The following MICAL1 variants were observed in gnomAD, a reference collection of about 807,000 sequenced individuals.
MICAL1 encodes microtubule associated monooxygenase, calponin and LIM domain containing 1, also known as [F-actin]-monooxygenase MICAL1.
Under a neutral mutation model 131.8 loss-of-function variants are expected in MICAL1, and 95 were observed. The observed-to-expected ratio is 0.72, with a 90% CI of 0.61 to 0.86. MICAL1 has a LOEUF of 0.86. Ranked by LOEUF, MICAL1 falls within the 40% of genes least tolerant of loss-of-function variation. The probability of loss-of-function intolerance (pLI) is 0.00; values close to 1 mark genes in which losing one functional copy is unlikely to be tolerated. For synonymous variants in MICAL1, 546 were observed against 554.2 expected (o/e 0.99, Z 0.21); for missense variants, 1,292 against 1,380.6 (o/e 0.94, Z 1.02).
Position 109,447,337 on chromosome 6 carries a change from A to G in MICAL1, c.2070+20T>C, listed in dbSNP as rs1248180889. 1 of 1,613,184 alleles carries G rather than the reference A, an allele frequency of 6.2e-7. No individual in the cohort carries two copies. Among genetic ancestry groups the G allele is most frequent in the East Asian group, 2.2e-5 (1 of 44,768 alleles). ...CTGCCCTCCCCGGGCCTCTGCCTGC[A>G]CACAAAGCCTGGCTCTCACCTCCTG... On this transcript the variant is annotated intron_variant, in intron 16 of 24. Transcript: ENST00000358807.
chr6:109,460,425 TA>T (rs941046868), upstream of MICAL1, among the ~76,000 whole-genome samples: 363 of 88,328 alleles, frequency 4.1e-3, 4 homozygotes, highest in Middle Eastern at 0.016. Flanking sequence ...AGACCCTACG[TA>T]AAAAAAAAAA....
intron 4 of MICAL1, 116 bp downstream of exon 4, chr6:109,453,147 G>A (rs112593035): frequency 0.036 from 27,986 of 781,888 alleles, 604 homozygotes; most frequent in Middle Eastern, 0.061. Context: ...GTGACAGAAC[G>A]AGACTCTGTC....
chr6:109,465,064 A>T (rs1051090966), intron 1 of MICAL1: 1 of 152,292 alleles, frequency 6.6e-6, no homozygotes, highest in African/African-American at 2.4e-5. Context: ...TTCAGAATTT[A>T]GGGTGAATGT....
Position 109,445,772 on chromosome 6 carries a change from T to G in MICAL1, c.2672A>C (p.Gln891Pro). ...GTGGCTGCACGCTGGCCCACTCACC[T>G]GTTCCACATCTGAGTCCAAAGGCAC... ...EDVPLDSDVE[Q>P]ALQTFAKTSG... Residue 891 changes from glutamine to proline, a missense_variant and splice_region_variant, in exon 20 of 25, where the codon CAG (glutamine) becomes CCG (proline). Gln to Pro is a moderately conservative substitution (Grantham distance 76, BLOSUM62 -1). Coordinates refer to ENST00000358807, the MANE Select transcript of MICAL1 (RefSeq NM_022765.4). 1 of 1,610,480 alleles carries G rather than the reference T, an allele frequency of 6.2e-7. No individual in the cohort carries two copies. The highest frequency in any genetic ancestry group is 8.5e-7 in the Non-Finnish European group (1 of 1,178,540).
At chr6:109,446,109 G>T (rs373778932) in intron 19 of MICAL1, 27 bp downstream of exon 19, 2 of 1,527,416 alleles carry the variant, frequency 1.3e-6, no homozygotes, top group Non-Finnish European at 1.8e-6. Context: ...CCCACCCTGG[G>T]TCAGCACATC....
chr6:109,458,057 A>C (rs1324473950), upstream of MICAL1, among the ~76,000 whole-genome samples: 1 of 152,060 alleles, frequency 6.6e-6, no homozygotes, highest in Non-Finnish European at 1.5e-5. Flanking sequence ...CCTATCATTC[A>C]ATGCTGTCCT....
rs138265393 is a variant in MICAL1 at position 109,450,055 on chromosome 6, G to A, written c.1222C>T (p.Arg408Trp). ...GCATCAAAGGCTGCCAGGAAGCCCC[G>A]TGCCACTCCAGTGCCCAGGGGCCAG... ...PFWPLGTGVARGFLAAFDAAW... is the reference protein window; with the variant it reads ...PFWPLGTGVAWGFLAAFDAAW... Residue 408 changes from arginine to tryptophan, a missense_variant, in exon 9 of 25, where the codon CGG (arginine) becomes TGG (tryptophan). Physicochemically the swap from Arg to Trp is moderately radical, Grantham distance 101. Coordinates refer to ENST00000358807, the MANE Select transcript of MICAL1 (RefSeq NM_022765.4). The A allele has an allele frequency of 1.7e-5, 28 of 1,613,928 alleles. No individual in the cohort carries two copies. Among genetic ancestry groups the A allele is most frequent in the African/African-American group, 4.0e-5 (3 of 74,868 alleles).
chr6:109,453,086 G>A (rs1391938550), intron 4 of MICAL1, among the ~76,000 whole-genome samples, 177 bp downstream of exon 4: 1 of 152,234 alleles, frequency 6.6e-6, no homozygotes, highest in African/African-American at 2.4e-5. Flanking sequence ...CTTGAAACTG[G>A]GTGGCAGAGG....
chr6:109,463,172 AG>A (rs1775937377), intron 1 of MICAL1: 1 of 152,190 alleles, frequency 6.6e-6, no homozygotes, highest in Non-Finnish European at 1.5e-5. Flanking sequence ...TTTTTAGTAG[AG>A]ATGGGGTTTC....
At position 109,444,143 on chromosome 6, in the gene MICAL1, G is replaced by A; in HGVS notation, c.*48C>T. On this transcript the variant is annotated 3_prime_UTR_variant, in exon 25 of 25. Transcript: ENST00000358807. ...ATGAACAGGGGTGGCACTGTGCTGG[G>A]GTGAGGTGCTTTCTTTGTGGGAACG... The A allele has an allele frequency of 6.3e-7, 1 of 1,596,880 alleles. No individual in the cohort carries two copies. Among genetic ancestry groups the A allele is most frequent in the Non-Finnish European group, 8.5e-7 (1 of 1,174,380 alleles).
intron 12 of MICAL1, 24 bp downstream of exon 12, chr6:109,448,708 G>C (rs1397175082): frequency 1.2e-6 from 2 of 1,613,238 alleles, no homozygotes; most frequent in Admixed American, 1.7e-5. Flanking sequence ...TCATGAGAGA[G>C]AGGTGGGTCT....
At position 109,444,343 on chromosome 6, in the gene MICAL1, A is replaced by C. The variant is rs1775109618; in HGVS notation, c.3056-4T>G. 1 of 1,613,344 alleles carries C rather than the reference A, an allele frequency of 6.2e-7. No individual in the cohort carries two copies. The highest frequency in any genetic ancestry group is 1.7e-5 in the Admixed American group (1 of 60,030). The stretch of plus-strand genomic sequence containing the variant: ...TCAGCAGCTGTCTTTAGGTTTTCTA[A>C]AAGGAGGAGACAAAGCTTAGAGAAC... On this transcript the variant is annotated splice_region_variant and splice_polypyrimidine_tract_variant and intron_variant, in intron 24 of 24. Transcript: ENST00000358807.
chr6:109,455,989 C>T (rs1361218856), upstream of MICAL1: 7 of 985,780 alleles, frequency 7.1e-6, no homozygotes, highest in Non-Finnish European at 6.0e-6. This position sits in a 1 kb window ranked among gnomAD's most constrained non-coding sequence, Gnocchi z 4.7. Flanking sequence ...AGTCTTGGGC[C>T]CGCCCATGCC....
intron 1 of MICAL1, chr6:109,463,376 T>C (rs1346303892): frequency 6.6e-6 from 1 of 152,232 alleles, no homozygotes; most frequent in Admixed American, 6.5e-5. Flanking sequence ...TTGTTTCTCT[T>C]TGACAGCTGG....
Position 109,450,489 on chromosome 6 carries a change from G to T in MICAL1, c.1002C>A (p.Thr334=). 2 of 1,613,268 alleles carry T rather than the reference G, an allele frequency of 1.2e-6. No homozygotes were observed. The change falls in exon 8 of 25, where the codon ACC becomes ACA. Residue 334 remains threonine, a synonymous_variant. Transcript: ENST00000358807. ...GGGTGGCAAAGTCAGCAGCTGCCCG[G>T]GTAAAGCGCTGCAGAGCCTCGGGCA... is the stretch of plus-strand genomic sequence containing the variant. ...NVVPEALQRF[T]RAAADFATHG... is the part of the protein sequence containing the mutation.
intron 2 of MICAL1, 24 bp from the exon 3 acceptor site, chr6:109,453,869 G>A (rs747168985): frequency 2.2e-5 from 35 of 1,611,126 alleles, no homozygotes; most frequent in Non-Finnish European, 2.9e-5. Flanking sequence ...GGGCAGTGAG[G>A]GCATGGCATC....
At chr6:109,448,619 T>G in intron 12 of MICAL1, 113 bp downstream of exon 12, 1 of 1,466,202 alleles carries the variant, frequency 6.8e-7, no homozygotes, top group Admixed American at 1.8e-5. Flanking sequence ...TGCATTAGAG[T>G]CTCACAAGAC....
chr6:109,447,493 AG>A lies in MICAL1; in HGVS notation c.1987-54del. On this transcript the variant is annotated intron_variant, in intron 15 of 24. Transcript: ENST00000358807. The stretch of plus-strand genomic sequence containing the variant: ...GGGTAGAGGGGCAGGGCCAGCTGGG[AG>A]GGGATGCGTACAGATGAACACAAGG... 3 of 1,567,804 alleles carry A rather than the reference AG, an allele frequency of 1.9e-6. No individual in the cohort carries two copies. The South Asian group carries it at 3.5e-5, about 18-fold the overall frequency.
chr6:109,448,729 C>CA lies in MICAL1; in HGVS notation c.1664+2dup. On this transcript the variant is annotated splice_region_variant and intron_variant, in intron 12 of 24. Coordinates refer to ENST00000358807, the MANE Select transcript of MICAL1 (RefSeq NM_022765.4). ...GAGAGAGGTGGGTCTGCCAGGGACTCACAGCAGGCCAGGCTGCAGCCGGTA... is the reference window on the plus strand; with the variant it reads ...GAGAGAGGTGGGTCTGCCAGGGACTCAACAGCAGGCCAGGCTGCAGCCGGTA... The CA allele has an allele frequency of 1.2e-6, 2 of 1,613,884 alleles. No homozygotes were observed. The highest frequency in any genetic ancestry group is 1.7e-6 in the Non-Finnish European group (2 of 1,179,890).
Sources: gnomAD v4.1 joint callset for allele counts (sites outside exome capture counted in the v4.1 genomes callset) on GRCh38, gnomAD v4.1.1 for gene constraint, Gnocchi (gnomAD v3.1) non-coding constraint, MANE v1.5 for transcripts, NCBI Gene and HGNC (gene_info 2026-07-23, HGNC 2026-07-21) for gene names.